POMK: variants seen among roughly 807,000 people sequenced by gnomAD.
POMK encodes the protein Sugen kinase 196.
Under a neutral mutation model 23.0 loss-of-function variants are expected in POMK, and 19 were observed. That is an observed-to-expected ratio of 0.83 (90% CI 0.58 to 1.21). The LOEUF is 1.21. POMK is among the 50% of genes most tolerant of loss of function. The probability of loss-of-function intolerance (pLI) is 0.00; values close to 1 mark genes in which losing one functional copy is unlikely to be tolerated. For synonymous variants in POMK, 173 were observed against 171.6 expected (o/e 1.01, Z -0.06); for missense variants, 410 against 431.3 (o/e 0.95, Z 0.44).
Position 43,102,021 on chromosome 8 carries a change from C to T in POMK, c.-117-484C>T, listed in dbSNP as rs905701080. Among the ~76,000 whole-genome samples the T allele has an allele frequency of 2.6e-5, 4 of 152,280 alleles. No homozygotes were observed. In the East Asian group the frequency reaches 7.7e-4, roughly 29 times the overall value. On this transcript the variant is annotated intron_variant, in intron 2 of 4. Transcript: ENST00000331373. ...CCTCTAGTCACAGTGTGAAGGTCAC[C>T]TCCTTAGAGAGGTCTCCTGGGATGC...
intron 2 of POMK, among the ~76,000 whole-genome samples, chr8:43,101,789 T>C (rs1248154416): frequency 6.6e-6 from 1 of 152,170 alleles, no homozygotes; most frequent in Non-Finnish European, 1.5e-5. Context: ...AATTTCTAGG[T>C]AGTAAAAAAG....
At chr8:43,121,873 C>T (rs1256374541) in intron 4 of POMK, among the ~76,000 whole-genome samples, 1 of 152,224 alleles carries the variant, frequency 6.6e-6, no homozygotes, top group Non-Finnish European at 1.5e-5. Context: ...CAGAGGCAAT[C>T]GCTTCCTGCC....
chr8:43,102,327 A>T (rs939667240), intron 2 of POMK, among the ~76,000 whole-genome samples, 178 bp from the exon 3 acceptor site: 1 of 151,988 alleles, frequency 6.6e-6, no homozygotes, highest in Non-Finnish European at 1.5e-5. Flanking sequence ...GGACAGAGAG[A>T]CTCTGATGGG....
chr8:43,115,904 TG>T (rs1456197386), intron 4 of POMK, among the ~76,000 whole-genome samples: 2 of 152,242 alleles, frequency 1.3e-5, no homozygotes, highest in African/African-American at 4.8e-5. Context: ...CATGCTGTTC[TG>T]GAAGCCTGTG....
At chr8:43,120,557 T>C (rs184480113) in intron 4 of POMK, among the ~76,000 whole-genome samples, 84 of 150,572 alleles carry the variant, frequency 5.6e-4, no homozygotes, top group Non-Finnish European at 3.3e-4. Flanking sequence ...TGTATAAATA[T>C]ATACATTTTG....
chr8:43,103,892 C>A, intron 4 of POMK, 62 bp downstream of exon 4: 1 of 1,516,742 alleles, frequency 6.6e-7, no homozygotes, highest in Non-Finnish European at 9.1e-7. Flanking sequence ...CAGTGTCCTC[C>A]AGCTCCATCC....
intron 4 of POMK, among the ~76,000 whole-genome samples, chr8:43,106,490 TCC>T (rs1811545847): frequency 6.6e-6 from 1 of 150,888 alleles, no homozygotes; most frequent in African/African-American, 2.4e-5. Context: ...TTTGTTATAA[TCC>T]CATTGGTTTA....
chr8:43,097,898 G>A (rs764230012), intron 2 of POMK, among the ~76,000 whole-genome samples: 8 of 152,170 alleles, frequency 5.3e-5, no homozygotes, highest in Non-Finnish European at 1.2e-4. Flanking sequence ...AGGCCAGTGA[G>A]CAAAGCATAG....
chr8:43,104,309 A>T (rs1205532937), intron 4 of POMK, among the ~76,000 whole-genome samples: 2 of 151,968 alleles, frequency 1.3e-5, no homozygotes, highest in Non-Finnish European at 1.5e-5. Flanking sequence ...TTTAGTAGAG[A>T]TGGGGTTTCA....
chr8:43,111,730 A>T (rs1748060562), intron 4 of POMK, among the ~76,000 whole-genome samples: 1 of 152,216 alleles, frequency 6.6e-6, no homozygotes, highest in Non-Finnish European at 1.5e-5. Flanking sequence ...AAACTTCCAG[A>T]GGAACGATCG....
At chr8:43,120,192 A>T (rs1241346453) in intron 4 of POMK, among the ~76,000 whole-genome samples, 1 of 151,418 alleles carries the variant, frequency 6.6e-6, no homozygotes, top group Non-Finnish European at 1.5e-5. Context: ...ATGGTTTTGT[A>T]TACTTCTCAT....
intron 4 of POMK, among the ~76,000 whole-genome samples, chr8:43,114,507 G>A (rs533576052): frequency 1.2e-4 from 19 of 152,282 alleles, no homozygotes; most frequent in East Asian, 1.2e-3. Context: ...TCCAGGTGCC[G>A]TCTGTCACCC....
intron 4 of POMK, among the ~76,000 whole-genome samples, chr8:43,116,326 G>A (rs1410870856): frequency 1.3e-5 from 2 of 152,160 alleles, no homozygotes; most frequent in Admixed American, 6.5e-5. Context: ...AGTCTGGAGT[G>A]CAGTGGTGCG....
chr8:43,118,150 GGTA>G (rs1432069438), intron 4 of POMK, among the ~76,000 whole-genome samples: 1 of 151,958 alleles, frequency 6.6e-6, no homozygotes, highest in African/African-American at 2.4e-5. Flanking sequence ...AAAGAAAAAA[GGTA>G]GTAGTATCTG....
chr8:43,093,942 G>C (rs1413351086), intron 1 of POMK, among the ~76,000 whole-genome samples: 3 of 152,366 alleles, frequency 2.0e-5, no homozygotes, highest in East Asian at 1.9e-4. Flanking sequence ...GCCGGGCGCG[G>C]TGGCGCCGCC....
intron 4 of POMK, among the ~76,000 whole-genome samples, chr8:43,121,053 T>C (rs1233316564): frequency 1.3e-5 from 2 of 152,250 alleles, no homozygotes; most frequent in East Asian, 3.8e-4. Context: ...CATCTTTTGA[T>C]AAGTTTCAGT....
intron 4 of POMK, among the ~76,000 whole-genome samples, chr8:43,120,152 G>A (rs533840449): frequency 6.7e-5 from 10 of 150,344 alleles, no homozygotes; most frequent in South Asian, 2.1e-4. Flanking sequence ...AATTTGTCTC[G>A]TTTTATGCAG....
At position 43,122,096 on chromosome 8, in the gene POMK, CT is replaced by C; in HGVS notation, c.283-8del. Reference sequence around the variant, plus strand: ...AGTTCAGGCCTGATGCTCTCTATGGCTTTGTTGCAGGTCTTTCTGTCTGAGT... The same window carrying C: ...AGTTCAGGCCTGATGCTCTCTATGGCTTGTTGCAGGTCTTTCTGTCTGAGT... On this transcript the variant is annotated splice_polypyrimidine_tract_variant and intron_variant, in intron 4 of 4. Transcript: ENST00000331373. 1 of 1,612,460 alleles carries C rather than the reference CT, an allele frequency of 6.2e-7. No homozygotes were observed. Among genetic ancestry groups the C allele is most frequent in the East Asian group, 2.2e-5 (1 of 44,878 alleles).
intron 1 of POMK, among the ~76,000 whole-genome samples, chr8:43,094,354 A>T (rs985938462): frequency 6.6e-6 from 1 of 152,162 alleles, no homozygotes; most frequent in African/African-American, 2.4e-5. Context: ...TCTCTGTTTA[A>T]AAAAACAAAA....
Sources: gnomAD v4.1 joint callset for allele counts (sites outside exome capture counted in the v4.1 genomes callset) on GRCh38, gnomAD v4.1.1 for gene constraint, MANE v1.5 for transcripts, NCBI Gene and HGNC (gene_info 2026-07-23, HGNC 2026-07-21) for gene names.